Variants in CRHR2 observed in about 807,000 individuals in gnomAD.
CRHR2 encodes the protein corticotropin-releasing hormone receptor 2.
A neutral mutation model predicts 57.9 loss-of-function variants in CRHR2; 53 were observed. The ratio of observed to expected loss-of-function variants is 0.92; its 90% CI spans 0.73 to 1.15. The LOEUF (loss-of-function observed/expected upper bound fraction) is 1.15. Among genes scored for constraint, CRHR2 ranks in the 50% most tolerant of loss-of-function variants. The pLI, the probability that CRHR2 is intolerant of heterozygous loss-of-function variation, is 0.00. For missense variants in CRHR2, 532 were observed against 542.6 expected (o/e 0.98, Z 0.19); for synonymous variants, 213 against 220.9 (o/e 0.96, Z 0.32).
chr7:30,654,709 G>T (rs991896939), intron 11 of CRHR2: 3 of 1,536,016 alleles, frequency 2.0e-6, no homozygotes, highest in South Asian at 1.2e-5. Context: ...TGATTGCTTG[G>T]CACACATCTC....
At position 30,656,693 on chromosome 7, in the gene CRHR2, A is replaced by C. The variant is rs543814851; in HGVS notation, c.832-681T>G. On this transcript the variant is annotated intron_variant, in intron 8 of 11. Coordinates refer to ENST00000471646, the MANE Select transcript of CRHR2 (RefSeq NM_001883.5). The surrounding 1 kb of genome is among the most constrained non-coding windows in gnomAD (Gnocchi z 4.4). ...CAGCACCAGAGCCTCCCCACCCAGC[A>C]CCTGGCCCTGGAACTGGCCTGTGTG... 6.6e-6 allele frequency among the ~76,000 whole-genome samples: 1 copy of C among 152,206 alleles called. No individual in the cohort carries two copies. Among genetic ancestry groups the C allele is most frequent in the African/African-American group, 2.4e-5 (1 of 41,534 alleles).
intron 1 of CRHR2, among the ~76,000 whole-genome samples, chr7:30,692,178 T>C (rs1346842257): frequency 6.6e-6 from 1 of 152,228 alleles, no homozygotes; most frequent in Non-Finnish European, 1.5e-5. Flanking sequence ...ATGCGCACGC[T>C]GAATGGTGAC....
intron 1 of CRHR2, among the ~76,000 whole-genome samples, chr7:30,690,428 G>A (rs1184486470): frequency 8.5e-5 from 13 of 152,098 alleles, no homozygotes; most frequent in Middle Eastern, 3.2e-3. Flanking sequence ...CAGCGTGTGT[G>A]TGTGTGAGTA....
intron 3 of CRHR2, among the ~76,000 whole-genome samples, chr7:30,666,693 C>G (rs1784195160): frequency 6.6e-6 from 1 of 152,250 alleles, no homozygotes; most frequent in Non-Finnish European, 1.5e-5. Flanking sequence ...GAGATGTATC[C>G]TTTCAGGTCA....
rs1784062413 is a variant in CRHR2, at chr7:30,662,829, T to A, written c.562A>T (p.Thr188Ser). The A allele has an allele frequency of 6.2e-7, 1 of 1,614,186 alleles. No homozygotes were observed. The highest frequency in any genetic ancestry group is 2.2e-5 in the East Asian group (1 of 44,878). The change falls in exon 6 of 12, where the codon ACC becomes TCC. Residue 188 changes from threonine to serine, a missense_variant. Thr to Ser is a moderately conservative substitution (Grantham distance 58). Coordinates refer to ENST00000471646, the MANE Select transcript of CRHR2 (RefSeq NM_001883.5). ...ESNEVWCRCI[T>S]TIFNYFVVTN... ...ACCACGAAGTAGTTGAAGATGGTGG[T>A]GATGCAGCGGCACCAGACCTGTGTG...
chr7:30,682,156 C>T (rs1332376326), intron 1 of CRHR2, 22 bp downstream of exon 1: 1 of 1,546,070 alleles, frequency 6.5e-7, no homozygotes, highest in East Asian at 2.4e-5. Context: ...GCGCAGCCTC[C>T]GACCGCTCGC....
At chr7:30,671,251 G>T (rs764534417) in intron 2 of CRHR2, among the ~76,000 whole-genome samples, 5 of 152,150 alleles carry the variant, frequency 3.3e-5, no homozygotes, top group Non-Finnish European at 7.4e-5. Context: ...TCTACTAAAT[G>T]CCAGTTAGCA....
chr7:30,689,383 C>T (rs1784916136), intron 1 of CRHR2: 1 of 967,748 alleles, frequency 1.0e-6, no homozygotes, highest in Non-Finnish European at 1.6e-6. Flanking sequence ...TCCCTTACTC[C>T]TCTTAGTACA....
intron 5 of CRHR2, 90 bp from the exon 6 acceptor site, chr7:30,662,937 T>TCCCCAAAA (rs2128141993): frequency 6.7e-7 from 1 of 1,484,670 alleles, no homozygotes; most frequent in Admixed American, 2.1e-5. Context: ...GACACAGGGC[T>TCCCCAAAA]CCCCAAAGGG....
chr7:30,654,614 C>T, intron 11 of CRHR2: 7 of 1,446,692 alleles, frequency 4.8e-6, no homozygotes, highest in African/African-American at 2.8e-5. Context: ...CTCCCCAGAG[C>T]CTGCTCTTGG....
At chr7:30,683,379 T>C (rs1183127284), upstream of CRHR2, among the ~76,000 whole-genome samples, 3 of 152,052 alleles carry the variant, frequency 2.0e-5, no homozygotes, top group Admixed American at 6.6e-5. Flanking sequence ...CCACAGCAGG[T>C]GTGGAGGAGC....
At chr7:30,692,674 A>G (rs1397037543) in intron 1 of CRHR2, among the ~76,000 whole-genome samples, 1 of 152,180 alleles carries the variant, frequency 6.6e-6, no homozygotes, top group East Asian at 1.9e-4. Flanking sequence ...GACAGGCAGG[A>G]AGGGGAGGCT....
intron 2 of CRHR2, among the ~76,000 whole-genome samples, chr7:30,674,684 G>A (rs980551046): frequency 6.6e-6 from 1 of 152,110 alleles, no homozygotes; most frequent in Non-Finnish European, 1.5e-5. Flanking sequence ...AGGCTTTTAG[G>A]TACCAGACCT....
In CRHR2 at chr7:30,653,596, C is replaced by G; in HGVS notation, c.1100G>C (p.Arg367Pro). 6.2e-7 allele frequency: 1 copy of G among 1,609,362 alleles called. No individual in the cohort carries two copies. The highest frequency in any genetic ancestry group is 8.5e-7 in the Non-Finnish European group (1 of 1,179,072). The change falls in exon 12 of 12, where the codon CGC (arginine) becomes CCC (proline). Residue 367 changes from arginine to proline, a missense_variant. Arg to Pro is a moderately radical substitution (Grantham distance 103). Transcript: ENST00000471646. The surrounding 1 kb of genome is among the most constrained non-coding windows in gnomAD (Gnocchi z 5.0). Reference sequence around the variant, plus strand: ...GTGCCACCTCTTCCTCACGGCTGAGCGCACCTGTGGGGAAGGCAGAGGCTC... The same window carrying G: ...GTGCCACCTCTTCCTCACGGCTGAGGGCACCTGTGGGGAAGGCAGAGGCTC... ...VFYCFFNGEV[R>P]SAVRKRWHRW...
rs1783796440 is a variant in CRHR2, at chr7:30,656,509, C to T, written c.832-497G>A. On this transcript the variant is annotated intron_variant, in intron 8 of 11. Coordinates refer to ENST00000471646, the MANE Select transcript of CRHR2 (RefSeq NM_001883.5). This position sits in a 1 kb window ranked among gnomAD's most constrained non-coding sequence, Gnocchi z 4.4. ...AGGCCAGATGGAGGGATTAAGAACT[C>T]AGTTGCCGAATGAGTGATTAATCTG... Among the ~76,000 whole-genome samples the T allele has an allele frequency of 6.6e-6, 1 of 152,142 alleles. No individual in the cohort carries two copies. Among genetic ancestry groups the T allele is most frequent in the African/African-American group, 2.4e-5 (1 of 41,448 alleles).
Position 30,681,895 on chromosome 7 carries a change from C to T in CRHR2, c.229+20G>A, listed in dbSNP as rs367711857. On this transcript the variant is annotated intron_variant, in intron 2 of 11. Transcript: ENST00000471646. ...CAGGAGGCCGGTGTAGAGCAGGCAG[C>T]GAGGGCCGGGGGCACTCACGGGTCG... The T allele has an allele frequency of 5.0e-6, 8 of 1,602,994 alleles. No homozygotes were observed. Among genetic ancestry groups the T allele is most frequent in the Non-Finnish European group, 6.8e-6 (8 of 1,175,238 alleles).
intron 1 of CRHR2, among the ~76,000 whole-genome samples, chr7:30,691,812 C>T (rs1784965878): frequency 6.6e-6 from 1 of 152,132 alleles, no homozygotes; most frequent in Admixed American, 6.5e-5. Context: ...CGTAATCTAC[C>T]ATGCAGGTGT....
intron 2 of CRHR2, among the ~76,000 whole-genome samples, chr7:30,668,963 T>A (rs1035625054): frequency 4.6e-5 from 7 of 152,180 alleles, no homozygotes; most frequent in Admixed American, 3.3e-4. Flanking sequence ...TTACCAACAT[T>A]CGTGCTCATG....
At position 30,654,395 on chromosome 7, in the gene CRHR2, C is replaced by T. The variant is rs1019066143; in HGVS notation, c.1095+644G>A. 2.0e-5 allele frequency among the ~76,000 whole-genome samples: 3 copies of T among 152,314 alleles called. No homozygotes were observed. In the South Asian group the frequency reaches 6.2e-4, roughly 32 times the overall value. On this transcript the variant is annotated intron_variant, in intron 11 of 11. Transcript: ENST00000471646. ...CCACAGAGACACAGGCCTGCATAGACACCTCGCCAGTGCCCTGTGCAGAGA... is the reference window on the plus strand; with the variant it reads ...CCACAGAGACACAGGCCTGCATAGATACCTCGCCAGTGCCCTGTGCAGAGA...
Sources: allele counts gnomAD v4.1 joint callset (sites outside exome capture counted in the v4.1 genomes callset), GRCh38; gene constraint gnomAD v4.1.1; non-coding constraint Gnocchi (gnomAD v3.1); transcripts MANE v1.5; gene names NCBI Gene and HGNC (gene_info 2026-07-23, HGNC 2026-07-21).